Variants in OPCML observed in about 807,000 individuals in gnomAD.
OPCML encodes opioid binding protein/cell adhesion molecule like.
OPCML carries 13 observed loss-of-function variants against 37.8 expected under a neutral mutation model. That is an observed-to-expected ratio of 0.34 (90% confidence interval 0.22 to 0.55). The LOEUF (loss-of-function observed/expected upper bound fraction) is 0.55. OPCML is among the 20% of genes least tolerant of loss of function. OPCML has a pLI of 0.91. For missense variants in OPCML, 341 were observed against 435.6 expected (o/e 0.78, Z 1.93); for synonymous variants, 176 against 168.8 (o/e 1.04, Z -0.33).
intron 2 of OPCML, among the ~76,000 whole-genome samples, chr11:132,916,331 C>T (rs574206796): frequency 6.6e-6 from 1 of 152,282 alleles, no homozygotes; most frequent in Admixed American, 6.5e-5. Flanking sequence ...CCCCTTTTCT[C>T]CATGACTCTG....
chr11:133,382,500 C>T (rs1231714419), intron 1 of OPCML, among the ~76,000 whole-genome samples: 3 of 152,176 alleles, frequency 2.0e-5, no homozygotes, highest in South Asian at 2.1e-4. Context: ...CTTCCATCCT[C>T]CTGGCCTGGG....
rs567232607 is a variant in OPCML, at chr11:132,441,504, A to G, written c.506-4145T>C. On this transcript the variant is annotated intron_variant, in intron 4 of 7. Transcript: ENST00000524381. ...TTTTTAAAAAGGCTGTAAGACTGCA[A>G]TATTTTCCTTGTCAAACAGGAACTG... Among the ~76,000 whole-genome samples, 41 of 152,292 alleles carry G rather than the reference A, an allele frequency of 2.7e-4. 1 individual carries two copies. Among genetic ancestry groups the G allele is most frequent in the Non-Finnish European group, 4.3e-4 (29 of 68,028 alleles).
chr11:132,609,447 A>G (rs1005785683), intron 3 of OPCML, among the ~76,000 whole-genome samples: 1 of 152,170 alleles, frequency 6.6e-6, no homozygotes, highest in South Asian at 2.1e-4. Flanking sequence ...TTCCAGCCAC[A>G]GTTGTTTCTC....
At chr11:133,176,239 C>T (rs1216898097) in intron 1 of OPCML, among the ~76,000 whole-genome samples, 2 of 151,920 alleles carry the variant, frequency 1.3e-5, no homozygotes, top group East Asian at 3.9e-4. Flanking sequence ...TTAAGATAGT[C>T]TGTGCAAACT....
At chr11:132,941,399 G>T (rs1945572336) in intron 2 of OPCML, among the ~76,000 whole-genome samples, 2 of 152,146 alleles carry the variant, frequency 1.3e-5, no homozygotes, top group Non-Finnish European at 2.9e-5. Flanking sequence ...CACATTAGAT[G>T]GTAAAGAGGT....
intron 3 of OPCML, among the ~76,000 whole-genome samples, chr11:132,600,549 AAAAAG>A (rs548714237): frequency 2.9e-4 from 44 of 152,334 alleles, no homozygotes; most frequent in Non-Finnish European, 5.1e-4. Flanking sequence ...TTCTTAGGCT[AAAAAG>A]AAAAGTACAT....
chr11:133,187,950 A>G (rs1031953238), intron 1 of OPCML, among the ~76,000 whole-genome samples: 1 of 152,174 alleles, frequency 6.6e-6, no homozygotes, highest in African/African-American at 2.4e-5. Flanking sequence ...CACAGTTCCA[A>G]GTCGTTTCAC....
chr11:132,976,391 C>T (rs571496612), intron 1 of OPCML, among the ~76,000 whole-genome samples: 29 of 152,122 alleles, frequency 1.9e-4, no homozygotes, highest in Non-Finnish European at 4.0e-4. Context: ...TATTTGTTTT[C>T]GCATCAGAAA....
chr11:133,232,663 T>G (rs1013801647), intron 1 of OPCML, among the ~76,000 whole-genome samples: 5 of 152,164 alleles, frequency 3.3e-5, no homozygotes, highest in Non-Finnish European at 7.3e-5. Flanking sequence ...AGGCTGGTGG[T>G]GAGAAGACAT....
intron 4 of OPCML, among the ~76,000 whole-genome samples, chr11:132,518,456 T>G (rs1378210813): frequency 6.6e-6 from 1 of 152,192 alleles, no homozygotes; most frequent in South Asian, 2.1e-4. Flanking sequence ...TCTCAGGCCA[T>G]TGTCTCACCT....
intron 3 of OPCML, among the ~76,000 whole-genome samples, chr11:132,595,073 C>G (rs1210365802): frequency 6.6e-6 from 1 of 152,078 alleles, no homozygotes; most frequent in African/African-American, 2.4e-5. Flanking sequence ...AGAGTTCTGT[C>G]TCTCAGTGAA....
chr11:133,140,254 G>A (rs1342545767), intron 1 of OPCML, among the ~76,000 whole-genome samples: 4 of 148,446 alleles, frequency 2.7e-5, no homozygotes, highest in Admixed American at 1.4e-4. Context: ...GCTTACGCCT[G>A]TAATCCCAGC....
At chr11:133,358,473 T>C (rs1396270749) in intron 1 of OPCML, among the ~76,000 whole-genome samples, 1 of 152,190 alleles carries the variant, frequency 6.6e-6, no homozygotes, top group African/African-American at 2.4e-5. Context: ...TATTTCTTCG[T>C]CGTCATTTAG....
At chr11:132,565,701 T>C (rs2096421133) in intron 3 of OPCML, among the ~76,000 whole-genome samples, 1 of 152,220 alleles carries the variant, frequency 6.6e-6, no homozygotes, top group Non-Finnish European at 1.5e-5. Context: ...CTTTCATTTC[T>C]TTGATCATAT....
At chr11:133,040,498 C>G (rs1466292794) in intron 1 of OPCML, among the ~76,000 whole-genome samples, 5 of 152,222 alleles carry the variant, frequency 3.3e-5, no homozygotes, top group African/African-American at 9.6e-5. Flanking sequence ...CCATGACTTC[C>G]CTATAGGGAT....
chr11:133,219,379 A>G (rs1939718143), intron 1 of OPCML, among the ~76,000 whole-genome samples: 1 of 152,350 alleles, frequency 6.6e-6, no homozygotes, highest in South Asian at 2.1e-4. Context: ...CACCACTTAC[A>G]TGTAGCTATT....
chr11:133,062,383 GC>G (rs1249110659), intron 1 of OPCML, among the ~76,000 whole-genome samples: 1 of 152,184 alleles, frequency 6.6e-6, no homozygotes, highest in African/African-American at 2.4e-5. Flanking sequence ...GTCTTCTCGA[GC>G]CTTTTCTGTT....
chr11:132,855,586 G>A (rs555758379), intron 2 of OPCML, among the ~76,000 whole-genome samples: 1 of 152,268 alleles, frequency 6.6e-6, no homozygotes, highest in Admixed American at 6.5e-5. Context: ...GGGCCACATG[G>A]TAACTCCATG....
Position 132,753,414 on chromosome 11 carries a change from T to C in OPCML, c.147-96095A>G, listed in dbSNP as rs540087489. Among the ~76,000 whole-genome samples the C allele has an allele frequency of 3.9e-5, 6 of 152,238 alleles. No homozygotes were observed. In the East Asian group the frequency reaches 9.6e-4, roughly 24 times the overall value. On this transcript the variant is annotated intron_variant, in intron 2 of 7. Transcript: ENST00000524381. The stretch of plus-strand genomic sequence containing the variant: ...GAGAGTGCTGATGAAAATATAATTG[T>C]CTTCCTTTATTTTGGCAAATATAAA...
Sources: allele counts gnomAD v4.1 joint callset (sites outside exome capture counted in the v4.1 genomes callset), GRCh38; gene constraint gnomAD v4.1.1; transcripts MANE v1.5; gene names NCBI Gene and HGNC (gene_info 2026-07-23, HGNC 2026-07-21).